Variants in MICU3 observed in about 807,000 individuals in gnomAD.
MICU3 encodes the protein calcium uptake protein 3, mitochondrial.
MICU3 carries 62 observed loss-of-function variants against 66.5 expected under a neutral mutation model. The ratio of observed to expected loss-of-function variants is 0.93; its 90% CI spans 0.76 to 1.15. The LOEUF (loss-of-function observed/expected upper bound fraction) is 1.15. MICU3 is among the 50% of genes most tolerant of loss of function. The pLI is 0.00. For missense variants in MICU3, 779 were observed against 664.4 expected (o/e 1.17, Z -1.90); for synonymous variants, 308 against 240.7 (o/e 1.28, Z -2.59).
intron 1 of MICU3, among the ~76,000 whole-genome samples, chr8:17,031,999 C>A (rs1234722206): frequency 6.6e-6 from 1 of 152,194 alleles, no homozygotes; most frequent in African/African-American, 2.4e-5. Context: ...ACATTTATGT[C>A]TTCATTGCCT....
At chr8:17,078,376 CT>C (rs888747253) in intron 4 of MICU3, among the ~76,000 whole-genome samples, 63 of 152,134 alleles carry the variant, frequency 4.1e-4, no homozygotes, top group African/African-American at 1.5e-3. Flanking sequence ...CCTGTTTCAA[CT>C]TACTCTATTA....
intron 1 of MICU3, among the ~76,000 whole-genome samples, chr8:17,059,415 T>C (rs888681615): frequency 1.3e-5 from 2 of 152,178 alleles, no homozygotes. Context: ...TTATTGGCAA[T>C]TCATTAGAAG....
chr8:17,090,254 T>C (rs901498206), intron 7 of MICU3, among the ~76,000 whole-genome samples: 1 of 152,108 alleles, frequency 6.6e-6, no homozygotes, highest in Non-Finnish European at 1.5e-5. Flanking sequence ...AACCGCATAC[T>C]TCAGGACAAC....
intron 11 of MICU3, among the ~76,000 whole-genome samples, chr8:17,110,884 G>GT (rs1802146176): frequency 6.6e-6 from 1 of 152,020 alleles, no homozygotes; most frequent in African/African-American, 2.4e-5. Flanking sequence ...GTCTCATAGT[G>GT]TTTTTTAGGT....
chr8:17,029,178 A>G (rs1488844719), intron 1 of MICU3, among the ~76,000 whole-genome samples: 5 of 152,234 alleles, frequency 3.3e-5, no homozygotes, highest in Non-Finnish European at 7.3e-5. Context: ...AAGAACATTA[A>G]ATAAATTTAT....
chr8:17,054,898 C>T (rs903461537), intron 1 of MICU3, among the ~76,000 whole-genome samples: 6 of 151,846 alleles, frequency 4.0e-5, no homozygotes, highest in African/African-American at 1.5e-4. Flanking sequence ...GCCACCATGC[C>T]CGGCTAATTT....
chr8:17,043,059 C>T (rs1409960209), intron 1 of MICU3, among the ~76,000 whole-genome samples: 1 of 150,220 alleles, frequency 6.7e-6, no homozygotes, highest in African/African-American at 2.5e-5. Context: ...CCTGCCTCAG[C>T]CTCCCGAGTA....
intron 1 of MICU3, among the ~76,000 whole-genome samples, chr8:17,051,538 G>C (rs1816077367): frequency 6.6e-6 from 1 of 152,216 alleles, no homozygotes; most frequent in Non-Finnish European, 1.5e-5. Flanking sequence ...ATTGGCCCTA[G>C]GGCAGTGTAG....
intron 8 of MICU3, among the ~76,000 whole-genome samples, chr8:17,093,708 T>G (rs1319572244): frequency 6.6e-6 from 1 of 151,980 alleles, no homozygotes; most frequent in African/African-American, 2.4e-5. Context: ...GAATCCTCTA[T>G]TATATGCTAT....
chr8:17,093,838 G>A (rs1171892569), intron 8 of MICU3, among the ~76,000 whole-genome samples: 1 of 151,768 alleles, frequency 6.6e-6, no homozygotes, highest in African/African-American at 2.4e-5. Context: ...TAGTGATGAT[G>A]AAGCTTTCCC....
At chr8:17,079,528 A>G (rs1376508328) in intron 4 of MICU3, among the ~76,000 whole-genome samples, 1 of 151,930 alleles carries the variant, frequency 6.6e-6, no homozygotes, top group African/African-American at 2.4e-5. Context: ...GACTAATTTT[A>G]TTTTTATTTT....
the MICU3 span, among the ~76,000 whole-genome samples, chr8:17,133,745 A>G: frequency 0.36 from 55,424 of 151,938 alleles, 10,391 homozygotes; most frequent in East Asian, 0.55. Context: ...AGCACTATTT[A>G]TGGAATAATT....
At chr8:17,086,911 G>C (rs1048320115) in intron 6 of MICU3, 53 bp from the exon 7 acceptor site, 3 of 1,200,546 alleles carry the variant, frequency 2.5e-6, no homozygotes, top group South Asian at 2.5e-5. Flanking sequence ...ATAGTAGATA[G>C]GTGCCCAGAA....
chr8:17,098,048 G>A (rs986322749), intron 8 of MICU3, among the ~76,000 whole-genome samples: 10 of 151,826 alleles, frequency 6.6e-5, no homozygotes, highest in African/African-American at 2.2e-4. Flanking sequence ...CAAGATAAAT[G>A]ATAGCCAGCA....
intron 3 of MICU3, among the ~76,000 whole-genome samples, chr8:17,074,590 CGTGTGTGTGTGTGT>C (rs35861279): frequency 1.3e-4 from 19 of 142,008 alleles, no homozygotes; most frequent in African/African-American, 3.0e-4. Context: ...GATGTTAAAA[CGTGTGTGTGTGTGT>C]GTGTGTGTGT....
chr8:17,111,487 A>C (rs142118102), intron 11 of MICU3, among the ~76,000 whole-genome samples: 1 of 151,972 alleles, frequency 6.6e-6, no homozygotes, highest in Non-Finnish European at 1.5e-5. Context: ...ACACCCAGCT[A>C]ATTTTGATAG....
intron 9 of MICU3, among the ~76,000 whole-genome samples, chr8:17,103,912 T>G (rs1232335135): frequency 1.3e-5 from 2 of 151,826 alleles, no homozygotes; most frequent in Non-Finnish European, 2.9e-5. Flanking sequence ...AAGGAAGCTG[T>G]TTTGTGAAGC....
chr8:17,122,927 G>A (rs1022501639), downstream of MICU3, among the ~76,000 whole-genome samples: 3 of 151,962 alleles, frequency 2.0e-5, no homozygotes, highest in African/African-American at 7.2e-5. Context: ...ACTTAATGGA[G>A]TATTAATTTT....
intron 3 of MICU3, among the ~76,000 whole-genome samples, chr8:17,074,164 G>T (rs963086889): frequency 6.6e-6 from 1 of 151,884 alleles, no homozygotes; most frequent in African/African-American, 2.4e-5. Context: ...GGGATTACAG[G>T]TGTGAGCTGC....
Sources: gnomAD v4.1 joint callset for allele counts (sites outside exome capture counted in the v4.1 genomes callset) on GRCh38, gnomAD v4.1.1 for gene constraint, MANE v1.5 for transcripts, NCBI Gene and HGNC (gene_info 2026-07-23, HGNC 2026-07-21) for gene names.